Variants in NRG1 observed in about 807,000 individuals in gnomAD.
NRG1 encodes pro-neuregulin-1, membrane-bound isoform.
In NRG1, 18 loss-of-function variants were observed where a neutral mutation model predicts 63.8. The ratio of observed to expected loss-of-function variants is 0.28; its 90% CI spans 0.19 to 0.42. The LOEUF (loss-of-function observed/expected upper bound fraction) is 0.42. Ranked by LOEUF, NRG1 falls within the 10% of genes least tolerant of loss-of-function variation. The pLI, the probability that NRG1 is intolerant of heterozygous loss-of-function variation, is 1.00. For missense variants in NRG1, 762 were observed against 814.7 expected (o/e 0.94, Z 0.79); for synonymous variants, 302 against 301.3 (o/e 1.00, Z -0.02).
At position 32,593,110 on chromosome 8, in the gene NRG1, AG is replaced by A. The variant is rs529911550; in HGVS notation, c.101-2717del. ...TTGAGTAGGCTGAGGAGGAAGAGGA[AG>A]AGGCGGGCATTGGTCTTGCTGTCTC... On this transcript the variant is annotated intron_variant, in intron 1 of 11. Coordinates refer to ENST00000356819, the Ensembl canonical transcript of NRG1. Among the ~76,000 whole-genome samples, 221 of 152,260 alleles carry A rather than the reference AG, an allele frequency of 1.5e-3. 4 individuals carry two copies. The South Asian group carries it at 0.039, about 27-fold the overall frequency.
chr8:31,886,052 A>G (rs1408230008), intron 1 of NRG1, among the ~76,000 whole-genome samples: 1 of 152,124 alleles, frequency 6.6e-6, no homozygotes, highest in African/African-American at 2.4e-5. Context: ...ATGAGTAAGA[A>G]TTAGTGAAGA....
chr8:32,161,406 T>C (rs1023711628), intron 1 of NRG1, among the ~76,000 whole-genome samples: 2 of 152,178 alleles, frequency 1.3e-5, no homozygotes, highest in African/African-American at 4.8e-5. Flanking sequence ...ATGTGTGTAA[T>C]AATAGAGCTA....
At chr8:32,743,767 C>T (rs1402406284) in intron 7 of NRG1, among the ~76,000 whole-genome samples, 1 of 151,544 alleles carries the variant, frequency 6.6e-6, no homozygotes, top group East Asian at 1.9e-4. Flanking sequence ...GATCCTGGAG[C>T]TTTCAAAATA....
chr8:32,313,029 T>C (rs1240170838), intron 1 of NRG1, among the ~76,000 whole-genome samples: 2 of 152,054 alleles, frequency 1.3e-5, no homozygotes, highest in African/African-American at 4.8e-5. Flanking sequence ...GGTGGACGCC[T>C]GTAATCCCAG....
intron 1 of NRG1, among the ~76,000 whole-genome samples, chr8:32,138,113 G>A (rs867147115): frequency 6.6e-6 from 1 of 152,036 alleles, no homozygotes. Context: ...CTTACTGCCT[G>A]TTCCTTGCAT....
intron 1 of NRG1, among the ~76,000 whole-genome samples, chr8:32,082,408 C>A (rs1827600994): frequency 6.6e-6 from 1 of 152,028 alleles, no homozygotes; most frequent in Non-Finnish European, 1.5e-5. Flanking sequence ...CTCTTTTTCA[C>A]CTCTATGTGT....
At chr8:31,725,060 T>A (rs758198614) in intron 1 of NRG1, among the ~76,000 whole-genome samples, 1 of 152,176 alleles carries the variant, frequency 6.6e-6, no homozygotes, top group Non-Finnish European at 1.5e-5. Context: ...TCACCTATTG[T>A]GAAATGTTAT....
chr8:32,667,108 C>T (rs1008650281), intron 5 of NRG1, among the ~76,000 whole-genome samples: 5 of 152,142 alleles, frequency 3.3e-5, no homozygotes, highest in African/African-American at 9.7e-5. Context: ...AACTACACAC[C>T]TAGGCTAATC....
chr8:32,629,195 G>C (rs1849830271), intron 5 of NRG1, among the ~76,000 whole-genome samples: 1 of 152,126 alleles, frequency 6.6e-6, no homozygotes, highest in African/African-American at 2.4e-5. Context: ...CAATCAAGGA[G>C]TAAAATCAAA....
intron 1 of NRG1, among the ~76,000 whole-genome samples, chr8:32,279,091 C>T (rs1852418243): frequency 6.6e-6 from 1 of 152,200 alleles, no homozygotes; most frequent in South Asian, 2.1e-4. Flanking sequence ...CTATACGCAG[C>T]CAGCAATACT....
chr8:31,701,498 A>G lies in NRG1; in HGVS notation c.37+62067A>G, dbSNP rs185460244. On this transcript the variant is annotated intron_variant, in intron 1 of 10. Coordinates refer to the NRG1 transcript ENST00000519301. ...CAAGAGGGAACAATTATATTAATCT[A>G]GATTTGCCTGGTAAATCCATAACAT... is the stretch of plus-strand genomic sequence containing the variant. Among the ~76,000 whole-genome samples the G allele has an allele frequency of 4.1e-3, 622 of 152,238 alleles. 2 individuals are homozygous for G. The highest frequency in any genetic ancestry group is 0.026 in the South Asian group (127 of 4,824).
intron 1 of NRG1, among the ~76,000 whole-genome samples, chr8:31,670,340 C>T (rs1470197914): frequency 6.6e-6 from 1 of 152,170 alleles, no homozygotes; most frequent in Non-Finnish European, 1.5e-5. Context: ...AGCTCCTACA[C>T]TGCAGGCCTT....
intron 1 of NRG1, among the ~76,000 whole-genome samples, chr8:32,504,797 A>G (rs1481320675): frequency 6.6e-6 from 1 of 152,184 alleles, no homozygotes; most frequent in African/African-American, 2.4e-5. Flanking sequence ...CTTTTTATCA[A>G]TATTGTTGGT....
chr8:31,649,988 T>C (rs557884531), intron 1 of NRG1, among the ~76,000 whole-genome samples: 3 of 152,194 alleles, frequency 2.0e-5, no homozygotes, highest in African/African-American at 7.2e-5. Context: ...CTTTTTTTTT[T>C]GTTTGTTTCA....
At chr8:32,360,231 C>T (rs1429714448) in intron 1 of NRG1, among the ~76,000 whole-genome samples, 1 of 152,084 alleles carries the variant, frequency 6.6e-6, no homozygotes, top group African/African-American at 2.4e-5. Context: ...TCTATAACAA[C>T]TAATATAGGC....
At chr8:31,929,150 A>T (rs1834661057) in intron 1 of NRG1, among the ~76,000 whole-genome samples, 1 of 152,226 alleles carries the variant, frequency 6.6e-6, no homozygotes, top group Non-Finnish European at 1.5e-5. Context: ...CAGGTTCCCA[A>T]CCAGAAGTTA....
At position 32,198,422 on chromosome 8, in the gene NRG1, C is replaced by A. The variant is rs555343820; in HGVS notation, c.38-397406C>A. ...CGAACTCCTGACCTCAGGTAATCCA[C>A]CTGCCTCGGCCTCCCAAAGTGCTGG... is the stretch of plus-strand genomic sequence containing the variant. On this transcript the variant is annotated intron_variant, in intron 1 of 10. Transcript: ENST00000519301. Among the ~76,000 whole-genome samples the A allele has an allele frequency of 3.3e-5, 5 of 152,314 alleles. No homozygotes were observed. In the East Asian group the frequency reaches 9.7e-4, roughly 29 times the overall value.
chr8:32,193,642 A>T (rs1842704645), intron 1 of NRG1, among the ~76,000 whole-genome samples: 1 of 152,104 alleles, frequency 6.6e-6, no homozygotes, highest in Non-Finnish European at 1.5e-5. Flanking sequence ...TATGGGTTGA[A>T]TTGTGATGCC....
At chr8:32,278,318 TG>T (rs1339972451) in intron 1 of NRG1, among the ~76,000 whole-genome samples, 1 of 152,000 alleles carries the variant, frequency 6.6e-6, no homozygotes, top group Admixed American at 6.6e-5. Context: ...TAGAGCAATT[TG>T]GGGGGAAAAA....
Sources: gnomAD v4.1 joint callset for allele counts (sites outside exome capture counted in the v4.1 genomes callset) on GRCh38, gnomAD v4.1.1 for gene constraint, MANE v1.5 for transcripts, NCBI Gene and HGNC (gene_info 2026-07-23, HGNC 2026-07-21) for gene names.